Variants in ATP10B observed in about 807,000 individuals in gnomAD.
ATP10B encodes the protein ATPase phospholipid transporting 10B (putative).
ATP10B carries 122 observed loss-of-function variants against 141.2 expected under a neutral mutation model. The ratio of observed to expected loss-of-function variants is 0.86; its 90% CI spans 0.75 to 1.00. ATP10B has a LOEUF of 1.00. Ranked by LOEUF, ATP10B falls within the 50% of genes least tolerant of loss-of-function variation. ATP10B has a pLI of 0.00. For missense variants in ATP10B, 1,876 were observed against 1,825.3 expected, an observed-to-expected ratio of 1.03 and a Z score of -0.51; for synonymous variants, 685 against 692.0, an observed-to-expected ratio of 0.99 and a Z score of 0.16.
chr5:160,883,792 A>ATGT, the ATP10B span, among the ~76,000 whole-genome samples: 2 of 152,184 alleles, frequency 1.3e-5, no homozygotes, highest in African/African-American at 4.8e-5. Flanking sequence ...GAGTGTTAAC[A>ATGT]AAAGTATTCC....
chr5:160,629,533 G>A (rs2127659335), intron 13 of ATP10B, among the ~76,000 whole-genome samples: 2 of 152,268 alleles, frequency 1.3e-5, no homozygotes, highest in Admixed American at 1.3e-4. Flanking sequence ...CAGGATCTCA[G>A]GGGAGAGAGT....
chr5:160,780,561 C>G (rs1770647802), intron 2 of ATP10B, among the ~76,000 whole-genome samples: 1 of 152,140 alleles, frequency 6.6e-6, no homozygotes, highest in African/African-American at 2.4e-5. Context: ...TCTATCTGTG[C>G]ATCTCATTGG....
chr5:160,895,412 G>A, the ATP10B span, among the ~76,000 whole-genome samples: 3 of 152,116 alleles, frequency 2.0e-5, no homozygotes, highest in African/African-American at 4.8e-5. Context: ...CCCAGTCTCT[G>A]ATAAAACAGA....
At chr5:160,572,188 G>GGT (rs5872653) in intron 24 of ATP10B, among the ~76,000 whole-genome samples, 1 of 150,894 alleles carries the variant, frequency 6.6e-6, no homozygotes, top group African/African-American at 2.4e-5. Flanking sequence ...CTTTTAAAGA[G>GGT]TTTTTTTTTC....
intron 2 of ATP10B, among the ~76,000 whole-genome samples, chr5:160,719,329 G>A (rs1765855242): frequency 6.6e-6 from 1 of 152,232 alleles, no homozygotes. Context: ...GAACCCGGGA[G>A]GCAGAGCTTG....
intron 3 of ATP10B, among the ~76,000 whole-genome samples, chr5:160,695,087 C>G (rs564633593): frequency 1.2e-4 from 18 of 152,234 alleles, no homozygotes; most frequent in African/African-American, 4.1e-4. Flanking sequence ...AAGGGAGGAA[C>G]AGGAAACAGA....
intron 1 of ATP10B, among the ~76,000 whole-genome samples, chr5:160,831,499 G>C (rs1396773246): frequency 1.3e-5 from 2 of 152,022 alleles, no homozygotes; most frequent in African/African-American, 4.8e-5. Context: ...CTTGAAACAA[G>C]AGAAGAATTT....
intron 2 of ATP10B, among the ~76,000 whole-genome samples, chr5:160,756,042 C>T (rs1768576151): frequency 6.6e-6 from 1 of 151,024 alleles, no homozygotes; most frequent in Non-Finnish European, 1.5e-5. Flanking sequence ...ATCCATCAAC[C>T]CAGAAGCTTC....
At chr5:160,919,223 CAAAAAAAA>C in the ATP10B span, among the ~76,000 whole-genome samples, 3 of 26,962 alleles carry the variant, frequency 1.1e-4, no homozygotes, top group Non-Finnish European at 1.9e-4. Flanking sequence ...AACTCCGTCT[CAAAAAAAA>C]AAAAAAAAAA....
chr5:160,753,059 C>T (rs573668263), intron 2 of ATP10B, among the ~76,000 whole-genome samples: 1 of 152,196 alleles, frequency 6.6e-6, no homozygotes, highest in East Asian at 1.9e-4. Flanking sequence ...CATATAACAG[C>T]CAATTAAATT....
chr5:160,770,904 G>A (rs561063307), intron 2 of ATP10B, among the ~76,000 whole-genome samples: 78 of 152,276 alleles, frequency 5.1e-4, no homozygotes, highest in Middle Eastern at 3.4e-3. Context: ...TTTCTATAGC[G>A]TAGGTATTTG....
the ATP10B span, among the ~76,000 whole-genome samples, chr5:160,862,061 C>T: frequency 1.3e-5 from 2 of 151,898 alleles, no homozygotes; most frequent in Non-Finnish European, 2.9e-5. Flanking sequence ...TATCCAGCCT[C>T]ATACATAATT....
At chr5:160,920,363 T>C in the ATP10B span, among the ~76,000 whole-genome samples, 1 of 152,168 alleles carries the variant, frequency 6.6e-6, no homozygotes, top group Non-Finnish European at 1.5e-5. Flanking sequence ...TATTTTATAT[T>C]AGGAAGAAAT....
At chr5:160,700,140 A>G (rs1356323871) in intron 3 of ATP10B, among the ~76,000 whole-genome samples, 2 of 152,208 alleles carry the variant, frequency 1.3e-5, no homozygotes, top group South Asian at 2.1e-4. Flanking sequence ...TGGGAAAAAC[A>G]TAAGTCCCAG....
At chr5:160,758,798 G>A (rs1481651081) in intron 2 of ATP10B, among the ~76,000 whole-genome samples, 1 of 152,192 alleles carries the variant, frequency 6.6e-6, no homozygotes, top group Non-Finnish European at 1.5e-5. Flanking sequence ...TAGAGAAAGA[G>A]AGACAGGGCA....
intron 2 of ATP10B, among the ~76,000 whole-genome samples, chr5:160,726,266 C>T (rs974092461): frequency 3.3e-5 from 5 of 152,136 alleles, no homozygotes; most frequent in Non-Finnish European, 7.4e-5. Context: ...GGAAAGTTGC[C>T]TGGCATGCAA....
intron 13 of ATP10B, among the ~76,000 whole-genome samples, chr5:160,629,067 TCA>T (rs1302542561): frequency 6.6e-6 from 1 of 152,172 alleles, no homozygotes; most frequent in East Asian, 1.9e-4. Context: ...CCTGGAGGTT[TCA>T]GAGGCAAATT....
chr5:160,780,771 A>G (rs1014554103), intron 2 of ATP10B, among the ~76,000 whole-genome samples: 1 of 152,226 alleles, frequency 6.6e-6, no homozygotes, highest in African/African-American at 2.4e-5. Flanking sequence ...GCATCATTAA[A>G]GTGACTACAG....
At chr5:160,593,448 T>G (rs4616945) in intron 22 of ATP10B, among the ~76,000 whole-genome samples, 120,052 of 151,992 alleles carry the variant, frequency 0.79, 47,534 homozygotes, top group Middle Eastern at 0.87. Context: ...CAAAAGTAGA[T>G]AAAACCACAA....
Sources: allele counts gnomAD v4.1 joint callset (sites outside exome capture counted in the v4.1 genomes callset), GRCh38; gene constraint gnomAD v4.1.1; transcripts MANE v1.5; gene names NCBI Gene and HGNC (gene_info 2026-07-23, HGNC 2026-07-21).